The following DNAAF1 variants were observed in gnomAD, a reference collection of about 807,000 sequenced individuals.
The protein encoded by DNAAF1 is dynein assembly factor 1, axonemal.
A neutral mutation model predicts 71.1 loss-of-function variants in DNAAF1; 65 were observed. That is an observed-to-expected ratio of 0.91 (90% CI 0.75 to 1.12). The LOEUF is 1.12. Among genes scored for constraint, DNAAF1 ranks in the 50% most tolerant of loss-of-function variants. DNAAF1 has a pLI of 0.00. For missense variants in DNAAF1, 1,178 were observed against 899.8 expected (o/e 1.31, Z -3.96); for synonymous variants, 414 against 354.6 (o/e 1.17, Z -1.88).
At chr16:84,145,697 C>T in intron 1 of DNAAF1, 133 bp downstream of exon 1, 1 of 1,208,530 alleles carries the variant, frequency 8.3e-7, no homozygotes, top group Non-Finnish European at 1.1e-6. Flanking sequence ...GCAAGCAACG[C>T]TCTGCAGTAG....
In DNAAF1 at chr16:84,167,664, T is replaced by C. The variant is rs145023423; in HGVS notation, c.1030+1715T>C. 2.6e-5 allele frequency among the ~76,000 whole-genome samples: 4 copies of C among 152,314 alleles called. No individual in the cohort carries two copies. In the East Asian group the frequency reaches 7.7e-4, roughly 29 times the overall value. ...TTAGGAGCTCTGTTTCAGAGATCTA[T>C]GTATCTTGTAATTTCACAGCTGCCA... is the stretch of plus-strand genomic sequence containing the variant. On this transcript the variant is annotated intron_variant, in intron 7 of 11. Transcript: ENST00000378553.
At chr16:84,175,678 G>T (rs2088614222) in intron 10 of DNAAF1, 1 of 526,712 alleles carries the variant, frequency 1.9e-6, no homozygotes, top group Admixed American at 3.2e-5. Context: ...GCCCTCTCAG[G>T]TACCAGGAGG....
chr16:84,169,082 T>G (rs2088182307), intron 7 of DNAAF1, among the ~76,000 whole-genome samples: 1 of 136,668 alleles, frequency 7.3e-6, no homozygotes, highest in Non-Finnish European at 1.6e-5. Context: ...GGATACTTTT[T>G]TTTTTTTTTT....
chr16:84,155,532 A>G lies in DNAAF1; in HGVS notation c.575-51A>G, dbSNP rs143753322. On this transcript the variant is annotated intron_variant, in intron 4 of 11. Coordinates refer to ENST00000378553, the MANE Select transcript of DNAAF1 (RefSeq NM_178452.6). ...GGTATGAACCACTGTGCCTGGCCCA[A>G]GAAGCATTTTTATGCCTTTGTTTTT... 1,149 of 1,604,006 alleles carry G rather than the reference A, an allele frequency of 7.2e-4. 9 individuals carry two copies. The African/African-American group carries it at 0.012, about 17-fold the overall frequency.
At position 84,145,591 on chromosome 16, in the gene DNAAF1, G is replaced by C. The variant is rs2086860903; in HGVS notation, c.124+27G>C. ...TGCCGACTGCCCCCCAGGGAGGGCG[G>C]TGGGCGAGGGGCAGACACGGCTAGG... is the stretch of plus-strand genomic sequence containing the variant. On this transcript the variant is annotated intron_variant, in intron 1 of 11. Transcript: ENST00000378553. The C allele has an allele frequency of 3.2e-6, 5 of 1,541,722 alleles. No individual in the cohort carries two copies. In the Admixed American group the frequency reaches 5.9e-5, roughly 18 times the overall value.
intron 11 of DNAAF1, 30 bp from the exon 12 acceptor site, chr16:84,177,699 A>G (rs754172019): frequency 1.3e-6 from 2 of 1,583,694 alleles, no homozygotes; most frequent in Non-Finnish European, 1.7e-6. Context: ...AGTGACAGGG[A>G]GAAAGCACAG....
rs201980773 is a variant in DNAAF1, at chr16:84,154,908, C to CT, written c.574+118dup. 1,895 of 1,023,770 alleles carry CT rather than the reference C, an allele frequency of 1.9e-3. 7 individuals carry two copies. The highest frequency in any genetic ancestry group is 0.014 in the African/African-American group (866 of 61,342). 63.4% of individuals were successfully genotyped at this position (1,023,770 alleles called of 1,614,324 possible). On this transcript the variant is annotated intron_variant, in intron 4 of 11. Transcript: ENST00000378553. ...GGCAAGAAGTGGTGTTTTTTTTTGTCTTTTTTTTGTTTTTTTTTGAGACAG... is the reference window on the plus strand; with the variant it reads ...GGCAAGAAGTGGTGTTTTTTTTTGTCTTTTTTTTTGTTTTTTTTTGAGACAG...
At position 84,172,349 on chromosome 16, in the gene DNAAF1, G is replaced by T. The variant is rs752285725; in HGVS notation, c.1618G>T (p.Glu540Ter). The T allele has an allele frequency of 6.2e-7, 1 of 1,614,118 alleles. No individual in the cohort carries two copies. The highest frequency in any genetic ancestry group is 1.7e-5 in the Admixed American group (1 of 60,030). ...GGAAGATTTAGAAACCATTAGACTG[G>T]AGACAAAGGAGACATTCTGCATTGA... is the stretch of plus-strand genomic sequence containing the variant. ...RTEDLETIRL[E>*]TKETFCIDDL... The change falls in exon 9 of 12, where the codon GAG (glutamate) becomes TAG (stop). Residue 540 changes from glutamate (E) to a stop codon, truncating the protein, a stop_gained. Coordinates refer to ENST00000378553, the MANE Select transcript of DNAAF1 (RefSeq NM_178452.6). LOFTEE classifies it high-confidence loss of function.
intron 6 of DNAAF1, among the ~76,000 whole-genome samples, chr16:84,165,513 G>A (rs1000257407): frequency 2.0e-5 from 3 of 151,972 alleles, no homozygotes; most frequent in Non-Finnish European, 4.4e-5. Context: ...TTTATTTATG[G>A]TATACTTTGC....
intron 9 of DNAAF1, chr16:84,172,764 G>C: frequency 8.8e-7 from 1 of 1,140,052 alleles, no homozygotes; most frequent in Non-Finnish European, 1.1e-6. Flanking sequence ...CAGTTACATT[G>C]TATCTTTATA....
At chr16:84,155,870 T>C in intron 5 of DNAAF1, 121 bp downstream of exon 5, 1 of 1,287,886 alleles carries the variant, frequency 7.8e-7, no homozygotes, top group Non-Finnish European at 1.1e-6. Context: ...TTTTTCACAC[T>C]TTTTTCCTCT....
At chr16:84,161,718 G>A (rs570670541) in intron 6 of DNAAF1, among the ~76,000 whole-genome samples, 1 of 151,422 alleles carries the variant, frequency 6.6e-6, no homozygotes, top group Non-Finnish European at 1.5e-5. Flanking sequence ...GTTTGACACT[G>A]GGCACTTGCT....
chr16:84,152,589 A>C (rs905210603), intron 3 of DNAAF1, among the ~76,000 whole-genome samples: 4 of 150,252 alleles, frequency 2.7e-5, no homozygotes, highest in East Asian at 3.9e-4. Context: ...GGCTGTTTGC[A>C]GTGAGCCAAG....
At chr16:84,175,898 C>G in intron 10 of DNAAF1, 35 bp from the exon 11 acceptor site, 2 of 1,611,978 alleles carry the variant, frequency 1.2e-6, no homozygotes, top group Non-Finnish European at 1.7e-6. Flanking sequence ...GTTGTGAAAA[C>G]AGAAACTTTC....
chr16:84,170,871 A>C (rs949152665), intron 8 of DNAAF1, among the ~76,000 whole-genome samples: 5 of 152,160 alleles, frequency 3.3e-5, no homozygotes, highest in African/African-American at 9.7e-5. Flanking sequence ...AAAAGTAAAA[A>C]GTAAAAAAAC....
chr16:84,163,866 T>G (rs909780548), intron 6 of DNAAF1, among the ~76,000 whole-genome samples: 9 of 149,662 alleles, frequency 6.0e-5, no homozygotes, highest in Admixed American at 5.3e-4. Flanking sequence ...AGACTTTTTT[T>G]TTTTTTTGTG....
intron 7 of DNAAF1, among the ~76,000 whole-genome samples, 162 bp from the exon 8 acceptor site, chr16:84,169,697 A>T (rs2088220353): frequency 6.6e-6 from 1 of 152,194 alleles, no homozygotes; most frequent in Non-Finnish European, 1.5e-5. Context: ...CTGGGATTAC[A>T]GGCACGAGCC....
At chr16:84,172,796 C>G in intron 9 of DNAAF1, 3 of 1,069,226 alleles carry the variant, frequency 2.8e-6, no homozygotes, top group East Asian at 1.5e-4. Context: ...TTCCCCCCTC[C>G]GTGGACACCG....
intron 9 of DNAAF1, chr16:84,172,816 T>TCGGTGTGAG (rs1010550812): frequency 1.9e-6 from 2 of 1,050,000 alleles, no homozygotes; most frequent in African/African-American, 3.4e-5. Context: ...GCCCAGCAGG[T>TCGGTGTGAG]AGCTTAGGCT....
Sources: allele counts gnomAD v4.1 joint callset (sites outside exome capture counted in the v4.1 genomes callset), GRCh38; gene constraint gnomAD v4.1.1; transcripts MANE v1.5; gene names NCBI Gene and HGNC (gene_info 2026-07-23, HGNC 2026-07-21).